Variants in CCDC80 observed in about 807,000 individuals in gnomAD.
The protein encoded by CCDC80 is coiled-coil domain-containing protein 80.
In CCDC80, 49 loss-of-function variants were observed where a neutral mutation model predicts 78.7. The ratio of observed to expected loss-of-function variants is 0.62; its 90% confidence interval spans 0.50 to 0.79. The LOEUF (loss-of-function observed/expected upper bound fraction) is 0.79. Among genes scored for constraint, CCDC80 ranks in the 30% least tolerant of loss-of-function variants. The probability of loss-of-function intolerance (pLI) is 0.00; values close to 1 mark genes in which losing one functional copy is unlikely to be tolerated. For missense variants in CCDC80, 1,205 were observed against 1,198.6 expected (o/e 1.01, Z -0.08); for synonymous variants, 488 against 447.0 (o/e 1.09, Z -1.16).
Position 112,596,827 on chromosome 3 carries a change from A to T in CCDC80, c.*8590T>A, listed in dbSNP as rs1051482781. 2.0e-5 allele frequency: 3 copies of T among 152,106 alleles called. No individual in the cohort carries two copies. The highest frequency in any genetic ancestry group is 4.4e-5 in the Non-Finnish European group (3 of 68,004). The allele number at this position is 152,106 out of a possible 1,614,324, so 9.4% of individuals were successfully genotyped here. ...TAAACCTTTTATTTACAGGCAAAGGATATAGTACAAGAAGAAAAAGAGAAT... is the reference window on the plus strand; with the variant it reads ...TAAACCTTTTATTTACAGGCAAAGGTTATAGTACAAGAAGAAAAAGAGAAT... On this transcript the variant is annotated 3_prime_UTR_variant, in exon 8 of 8. Transcript: ENST00000206423.
At position 112,597,628 on chromosome 3, in the gene CCDC80, T is replaced by G. The variant is rs1935303777; in HGVS notation, c.*7789A>C. The stretch of plus-strand genomic sequence containing the variant: ...TAAAGATGGGAGAGGTAAAAAATCT[T>G]CAGGAGAAACTGTGCCTGAACTGTG... On this transcript the variant is annotated 3_prime_UTR_variant, in exon 8 of 8. Coordinates refer to ENST00000206423, the MANE Select transcript of CCDC80 (RefSeq NM_199511.3). The G allele has an allele frequency of 6.6e-6, 1 of 152,152 alleles. No individual in the cohort carries two copies. The highest frequency in any genetic ancestry group is 2.1e-4 in the South Asian group (1 of 4,830). 9.4% of individuals were successfully genotyped at this position (152,152 alleles called of 1,614,324 possible).
intron 6 of CCDC80, among the ~76,000 whole-genome samples, chr3:112,607,513 G>A (rs1378563414): frequency 2.6e-5 from 4 of 152,148 alleles, no homozygotes; most frequent in African/African-American, 9.7e-5. Context: ...CATGCTGGGC[G>A]CGGCGGCTCA....
intron 5 of CCDC80, among the ~76,000 whole-genome samples, chr3:112,615,667 A>T (rs1372743935): frequency 6.6e-6 from 1 of 152,192 alleles, no homozygotes; most frequent in African/African-American, 2.4e-5. Flanking sequence ...GGAAGTCAGT[A>T]CAAAATACAG....
In CCDC80 at chr3:112,638,397, AC is replaced by A; in HGVS notation, c.1508del (p.Ser503IlefsTer52). The A allele has an allele frequency of 6.2e-7, 1 of 1,612,778 alleles. No homozygotes were observed. Among genetic ancestry groups the A allele is most frequent in the Non-Finnish European group, 8.5e-7 (1 of 1,179,904 alleles). On this transcript the variant is annotated frameshift_variant, in exon 2 of 8. Transcript: ENST00000206423. LOFTEE classifies it high-confidence loss of function. ...GGTCATACTTCTCCTCATACTCATT[AC>A]TAAGAATTTTGTCCTGGGCCTTCTT... Reference protein sequence around the residue: ...PKKKAQDKILSNEYEEKYDLS... With the variant: ...PKKKAQDKILXNEYEEKYDLS...
chr3:112,619,054 G>A lies in CCDC80; in HGVS notation c.2086C>T (p.Arg696Cys), dbSNP rs771080139. The change falls in exon 4 of 8, where the codon CGT becomes TGT. Residue 696 changes from arginine to cysteine, a missense_variant. Arg to Cys is a radical substitution (Grantham distance 180). Transcript: ENST00000206423. ...TCTTTCCTCAGCTCGCTGATGAGAC[G>A]CTGGTCTACCAAGTCTTCATCATCC... ...VVDDEDLVDQ[R>C]LISELRKEYG... 1.5e-5 allele frequency: 24 copies of A among 1,609,588 alleles called. No homozygotes were observed. Among genetic ancestry groups the A allele is most frequent in the Non-Finnish European group, 1.9e-5 (22 of 1,178,562 alleles).
At chr3:112,611,246 T>G (rs1177279174) in intron 5 of CCDC80, among the ~76,000 whole-genome samples, 1 of 152,166 alleles carries the variant, frequency 6.6e-6, no homozygotes, top group Non-Finnish European at 1.5e-5. Context: ...CAGCAGTATG[T>G]TGTTCACAGG....
chr3:112,610,524 T>C (rs1935602804), intron 5 of CCDC80, among the ~76,000 whole-genome samples: 1 of 151,844 alleles, frequency 6.6e-6, no homozygotes, highest in African/African-American at 2.4e-5. Context: ...GGAGATAGAG[T>C]AGAAAAAGAT....
intron 4 of CCDC80, among the ~76,000 whole-genome samples, chr3:112,618,566 A>G (rs1387434065): frequency 6.6e-6 from 1 of 151,976 alleles, no homozygotes; most frequent in Non-Finnish European, 1.5e-5. Context: ...TCTTGTCCAC[A>G]TTGGATCAGG....
Position 112,639,751 on chromosome 3 carries a change from A to G in CCDC80, c.155T>C (p.Leu52Pro). Residue 52 changes from leucine to proline, a missense_variant, in exon 2 of 8, where the codon CTG (leucine) becomes CCG (proline). By Grantham distance (98) the Leu-to-Pro change is moderately conservative. Transcript: ENST00000206423. ...TCCGCGAGACCTCCCAGTGTGCCTC[A>G]GAAACCGAGCTGGCCTACTGCTGTC... Reference protein sequence around the residue: ...SPDSSRPARFLRHTGRSRGIE... With the variant: ...SPDSSRPARFPRHTGRSRGIE... 1 of 1,614,142 alleles carries G rather than the reference A, an allele frequency of 6.2e-7. No homozygotes were observed. The highest frequency in any genetic ancestry group is 8.5e-7 in the Non-Finnish European group (1 of 1,180,034).
In CCDC80 at chr3:112,601,580, T is replaced by C. The variant is rs1214676117; in HGVS notation, c.*3837A>G. ...GGCTGTGGTCCCAGCTAACTTGGGA[T>C]GCTGAGGTGGGAGGATTGTTTGAGG... On this transcript the variant is annotated 3_prime_UTR_variant, in exon 8 of 8. Coordinates refer to ENST00000206423, the MANE Select transcript of CCDC80 (RefSeq NM_199511.3). 6.6e-6 allele frequency: 1 copy of C among 151,110 alleles called. No homozygotes were observed. Among genetic ancestry groups the C allele is most frequent in the Non-Finnish European group, 1.5e-5 (1 of 67,962 alleles). The allele number at this position is 151,110 out of a possible 1,614,324, so 9.4% of individuals were successfully genotyped here.
chr3:112,619,100 A>T lies in CCDC80; in HGVS notation c.2040T>A (p.Asn680Lys). ...TMKIDHFQLD[N>K]EKPMRVVDDE... ...CATCCACCACTCGCATGGGCTTCTC[A>T]TTATCTTAAGGGAAATAAAATGTGA... Residue 680 changes from asparagine (N) to lysine (K), a missense_variant, in exon 4 of 8, where the codon AAT becomes AAA. Physicochemically the swap from Asn to Lys is moderately conservative, Grantham distance 94. Transcript: ENST00000206423. 1 of 1,582,042 alleles carries T rather than the reference A, an allele frequency of 6.3e-7. No homozygotes were observed. The highest frequency in any genetic ancestry group is 8.6e-7 in the Non-Finnish European group (1 of 1,167,984).
At position 112,603,929 on chromosome 3, in the gene CCDC80, T is replaced by C. The variant is rs917642531; in HGVS notation, c.*1488A>G. 1.1e-4 allele frequency: 17 copies of C among 152,166 alleles called. No individual in the cohort carries two copies. Among genetic ancestry groups the C allele is most frequent in the Non-Finnish European group, 2.4e-4 (16 of 68,028 alleles). 9.4% of individuals were successfully genotyped at this position (152,166 alleles called of 1,614,324 possible). On this transcript the variant is annotated 3_prime_UTR_variant, in exon 8 of 8. Coordinates refer to ENST00000206423, the MANE Select transcript of CCDC80 (RefSeq NM_199511.3). ...TGATTCCATCCCTCATGGATGATTT[T>C]AAGAGGCCCAAGACTTCATTGGAGG...
rs1427473876 is a variant in CCDC80, at chr3:112,599,333, A to G, written c.*6084T>C. Reference sequence around the variant, plus strand: ...TTGGACTTTAATAATGTGCAAAATTAAGAGGAAGTCTGGCATCGGGAGCTT... The same window carrying G: ...TTGGACTTTAATAATGTGCAAAATTGAGAGGAAGTCTGGCATCGGGAGCTT... On this transcript the variant is annotated 3_prime_UTR_variant, in exon 8 of 8. Coordinates refer to ENST00000206423, the MANE Select transcript of CCDC80 (RefSeq NM_199511.3). The G allele has an allele frequency of 6.6e-6, 1 of 152,214 alleles. No homozygotes were observed. 9.4% of individuals were successfully genotyped at this position (152,214 alleles called of 1,614,324 possible). A position where few individuals can be genotyped will look rare whatever the true frequency, so the allele number is the denominator to read the frequency against.
intron 5 of CCDC80, among the ~76,000 whole-genome samples, chr3:112,611,820 C>T (rs1935635168): frequency 6.6e-6 from 1 of 152,196 alleles, no homozygotes; most frequent in Admixed American, 6.5e-5. Flanking sequence ...ACAGAGCTGA[C>T]AGCCAGTTAA....
In CCDC80 at chr3:112,639,923, G is replaced by A. The variant is rs769779648; in HGVS notation, c.-11-7C>T. ...CATGTCATTGTGTAATCCACTTTGC[G>A]ATGCACGGAGGTCATAAAACAAAGG... On this transcript the variant is annotated splice_polypyrimidine_tract_variant and splice_region_variant and intron_variant, in intron 1 of 7. Coordinates refer to ENST00000206423, the MANE Select transcript of CCDC80 (RefSeq NM_199511.3). 1 of 1,604,500 alleles carries A rather than the reference G, an allele frequency of 6.2e-7. No individual in the cohort carries two copies. Among genetic ancestry groups the A allele is most frequent in the Non-Finnish European group, 8.5e-7 (1 of 1,173,434 alleles).
chr3:112,638,741 T>G lies in CCDC80; in HGVS notation c.1165A>C (p.Thr389Pro). ...GGGGGCCTGTGGGAGGGTGAGGGGGTCCAGGGCCTCTGCGTGGTGGGAAAG... is the reference window on the plus strand; with the variant it reads ...GGGGGCCTGTGGGAGGGTGAGGGGGGCCAGGGCCTCTGCGTGGTGGGAAAG... Reference protein sequence around the residue: ...TAFPTTQRPWTPSPSHRPPTT... With the variant: ...TAFPTTQRPWPPSPSHRPPTT... Residue 389 changes from threonine to proline, a missense_variant, in exon 2 of 8, where the codon ACC (threonine) becomes CCC (proline). Coordinates refer to ENST00000206423, the MANE Select transcript of CCDC80 (RefSeq NM_199511.3). The G allele has an allele frequency of 1.2e-6, 2 of 1,613,192 alleles. No homozygotes were observed. The highest frequency in any genetic ancestry group is 2.2e-5 in the South Asian group (2 of 91,026).
At chr3:112,639,980 C>G (rs1323888149) in intron 1 of CCDC80, 64 bp from the exon 2 acceptor site, 5 of 1,517,540 alleles carry the variant, frequency 3.3e-6, no homozygotes, top group Non-Finnish European at 4.4e-6. Context: ...AATTATTTAT[C>G]TGGAAACAGA....
At chr3:112,616,387 T>C (rs917251109) in intron 5 of CCDC80, among the ~76,000 whole-genome samples, 4 of 142,762 alleles carry the variant, frequency 2.8e-5, no homozygotes, top group African/African-American at 1.1e-4. Context: ...CTGAGTAAAT[T>C]AACTTTCTTG....
At position 112,639,974 on chromosome 3, in the gene CCDC80, A is replaced by T; in HGVS notation, c.-11-58T>A. ...GGAGGGGGAAAAAAGAAAGAAAATT[A>T]TTTATCTGGAAACAGAGCTGGTCAT... On this transcript the variant is annotated intron_variant, in intron 1 of 7. Transcript: ENST00000206423. 2.6e-6 allele frequency: 4 copies of T among 1,527,186 alleles called. No homozygotes were observed. In the South Asian group the frequency reaches 3.9e-5, roughly 15 times the overall value. 94.6% of individuals were successfully genotyped at this position (1,527,186 alleles called of 1,614,324 possible). A position where few individuals can be genotyped will look rare whatever the true frequency, so the allele number is the denominator to read the frequency against.
Sources: gnomAD v4.1 joint callset for allele counts (sites outside exome capture counted in the v4.1 genomes callset) on GRCh38, gnomAD v4.1.1 for gene constraint, MANE v1.5 for transcripts, NCBI Gene and HGNC (gene_info 2026-07-23, HGNC 2026-07-21) for gene names.